The following BICD1 variants were observed in gnomAD, a reference collection of about 807,000 sequenced individuals.
BICD1 encodes BICD cargo adaptor 1.
A neutral mutation model predicts 92.5 loss-of-function variants in BICD1; 35 were observed. The ratio of observed to expected loss-of-function variants is 0.38; its 90% confidence interval spans 0.29 to 0.50. The LOEUF (loss-of-function observed/expected upper bound fraction) is 0.50. BICD1 is among the 20% of genes least tolerant of loss of function. BICD1 has a pLI of 0.93. For missense variants in BICD1, 950 were observed against 1,189.8 expected (o/e 0.80, Z 2.97); for synonymous variants, 429 against 465.1 (o/e 0.92, Z 1.00).
chr12:32,237,212 C>G (rs779950847), intron 2 of BICD1, among the ~76,000 whole-genome samples: 4 of 152,090 alleles, frequency 2.6e-5, no homozygotes, highest in Non-Finnish European at 2.9e-5. Context: ...GGCCCTAACT[C>G]CCTTCAATTC....
chr12:32,262,853 C>A (rs1269263431), intron 2 of BICD1, among the ~76,000 whole-genome samples: 3 of 152,138 alleles, frequency 2.0e-5, no homozygotes, highest in Non-Finnish European at 2.9e-5. Flanking sequence ...GTTTAAACCA[C>A]CAAATTTAGG....
At chr12:32,319,577 T>C (rs1022832985) in intron 4 of BICD1, among the ~76,000 whole-genome samples, 3 of 151,984 alleles carry the variant, frequency 2.0e-5, no homozygotes, top group African/African-American at 7.2e-5. Flanking sequence ...TGTTTTTTAG[T>C]TTCGTTTTTT....
chr12:32,335,437 A>G (rs527766330), intron 6 of BICD1, among the ~76,000 whole-genome samples: 2 of 152,032 alleles, frequency 1.3e-5, no homozygotes, highest in Admixed American at 1.3e-4. Flanking sequence ...GGCGTGAGCC[A>G]CCGCGCCCGG....
intron 1 of BICD1, among the ~76,000 whole-genome samples, chr12:32,154,715 G>A (rs1943390494): frequency 6.6e-6 from 1 of 152,010 alleles, no homozygotes; most frequent in African/African-American, 2.4e-5. Context: ...CCCAATACTT[G>A]ACTATATATT....
At chr12:32,108,489 T>A in intron 1 of BICD1, 1 of 483,864 alleles carries the variant, frequency 2.1e-6, no homozygotes, top group Non-Finnish European at 3.7e-6. Context: ...CTTGAGGCAC[T>A]ATGGGTAGCA....
At chr12:32,285,660 C>T (rs1385436251) in intron 2 of BICD1, among the ~76,000 whole-genome samples, 1 of 152,144 alleles carries the variant, frequency 6.6e-6, no homozygotes, top group Admixed American at 6.5e-5. Flanking sequence ...GACTCTATCC[C>T]TGCCATCTCA....
intron 4 of BICD1, among the ~76,000 whole-genome samples, chr12:32,316,447 C>T (rs1261707582): frequency 2.0e-5 from 3 of 151,556 alleles, no homozygotes; most frequent in Non-Finnish European, 4.4e-5. Context: ...CGTGCCACCA[C>T]GCCCAGCTAA....
chr12:32,340,400 A>T, intron 8 of BICD1: 1 of 985,436 alleles, frequency 1.0e-6, no homozygotes, highest in Non-Finnish European at 1.2e-6. Flanking sequence ...GTATTCTGTG[A>T]ATCACCAAAG....
chr12:32,301,245 T>G (rs944382486), intron 3 of BICD1, among the ~76,000 whole-genome samples: 3 of 152,194 alleles, frequency 2.0e-5, no homozygotes, highest in Non-Finnish European at 4.4e-5. Flanking sequence ...AATCAGAGAA[T>G]GAACCTTTCA....
chr12:32,298,889 A>C (rs1592633885), intron 3 of BICD1, among the ~76,000 whole-genome samples: 1 of 151,374 alleles, frequency 6.6e-6, no homozygotes, highest in Non-Finnish European at 1.5e-5. Flanking sequence ...AAAAAAAAAA[A>C]GAATATCATA....
intron 2 of BICD1, among the ~76,000 whole-genome samples, chr12:32,244,314 G>A (rs1217175391): frequency 1.3e-5 from 2 of 152,068 alleles, no homozygotes; most frequent in South Asian, 2.1e-4. Flanking sequence ...GTCTCTCTTT[G>A]CCTTTCCCCT....
chr12:32,266,328 G>A (rs1946994990), intron 2 of BICD1, among the ~76,000 whole-genome samples: 1 of 152,108 alleles, frequency 6.6e-6, no homozygotes, highest in Non-Finnish European at 1.5e-5. Context: ...ACTAAAATGT[G>A]GTCATTGTCA....
intron 4 of BICD1, among the ~76,000 whole-genome samples, chr12:32,307,669 A>C (rs1948266679): frequency 1.3e-5 from 2 of 152,248 alleles, no homozygotes; most frequent in Non-Finnish European, 2.9e-5. Flanking sequence ...GAAAAGTGAA[A>C]TTAGCAGAAA....
intron 1 of BICD1, among the ~76,000 whole-genome samples, chr12:32,155,348 T>C (rs981082633): frequency 6.6e-6 from 1 of 152,214 alleles, no homozygotes; most frequent in African/African-American, 2.4e-5. Flanking sequence ...CTAAATCTAA[T>C]TGATATGCAA....
At chr12:32,278,626 G>A (rs1947335083) in intron 2 of BICD1, among the ~76,000 whole-genome samples, 1 of 152,148 alleles carries the variant, frequency 6.6e-6, no homozygotes, top group Non-Finnish European at 1.5e-5. Context: ...GGCCGCGGCC[G>A]GCGGATCACG....
At chr12:32,307,203 G>A (rs1948253279) in intron 4 of BICD1, among the ~76,000 whole-genome samples, 1 of 152,038 alleles carries the variant, frequency 6.6e-6, no homozygotes, top group Non-Finnish European at 1.5e-5. Flanking sequence ...CTTAAAAGAC[G>A]TAAAGGACTT....
intron 4 of BICD1, among the ~76,000 whole-genome samples, chr12:32,325,041 G>A (rs1049594669): frequency 1.3e-5 from 2 of 151,956 alleles, no homozygotes; most frequent in Non-Finnish European, 2.9e-5. Flanking sequence ...TTAGAGGCAG[G>A]GTTTCACTAT....
rs1937680088 is a variant in BICD1 at position 32,328,758 on chromosome 12, G to A, written c.2100+203G>A. 6.6e-6 allele frequency among the ~76,000 whole-genome samples: 1 copy of A among 152,184 alleles called. No homozygotes were observed. The highest frequency in any genetic ancestry group is 2.4e-5 in the African/African-American group (1 of 41,452). ...TGAAATACCTGTGCCCAGTTAGGTGGAGGCAGAGGTGAGGAACTTAAAGCA... is the reference window on the plus strand; with the variant it reads ...TGAAATACCTGTGCCCAGTTAGGTGAAGGCAGAGGTGAGGAACTTAAAGCA... On this transcript the variant is annotated intron_variant, in intron 5 of 9. Coordinates refer to ENST00000652176, the MANE Select transcript of BICD1 (RefSeq NM_001714.4). The surrounding 1 kb of genome is among the most constrained non-coding windows in gnomAD (Gnocchi z 4.4).
At chr12:32,139,766 G>A (rs896098825) in intron 1 of BICD1, among the ~76,000 whole-genome samples, 1 of 152,120 alleles carries the variant, frequency 6.6e-6, no homozygotes, top group African/African-American at 2.4e-5. Context: ...GTTTCACCAT[G>A]TTGGCCAGGA....
Sources: allele counts gnomAD v4.1 joint callset (sites outside exome capture counted in the v4.1 genomes callset), GRCh38; gene constraint gnomAD v4.1.1; non-coding constraint Gnocchi (gnomAD v3.1); transcripts MANE v1.5; gene names NCBI Gene and HGNC (gene_info 2026-07-23, HGNC 2026-07-21).